TENM2: variants seen among roughly 807,000 people sequenced by gnomAD.
The protein encoded by TENM2 is teneurin-2.
A neutral mutation model predicts 245.2 loss-of-function variants in TENM2; 52 were observed. That is an observed-to-expected ratio of 0.21 (90% CI 0.17 to 0.27). TENM2 has a LOEUF of 0.27. TENM2 is among the 10% of genes least tolerant of loss of function. The pLI is 1.00. For missense variants in TENM2, 3,046 were observed against 3,666.8 expected (o/e 0.83, Z 4.37); for synonymous variants, 1,363 against 1,438.9 (o/e 0.95, Z 1.19).
At chr5:167,826,769 A>G (rs993808172) in intron 2 of TENM2, among the ~76,000 whole-genome samples, 12 of 152,234 alleles carry the variant, frequency 7.9e-5, no homozygotes, top group Non-Finnish European at 1.5e-4. Flanking sequence ...GAGCTTTGGT[A>G]AAGGCGGATA....
intron 3 of TENM2, among the ~76,000 whole-genome samples, chr5:167,895,115 A>G (rs1238957141): frequency 6.6e-6 from 1 of 152,122 alleles, no homozygotes; most frequent in Non-Finnish European, 1.5e-5. Context: ...GGCCTTTAAC[A>G]TGTTTATGTG....
At chr5:168,225,775 AAAAAG>A (rs1214120233) in intron 23 of TENM2, among the ~76,000 whole-genome samples, 4 of 151,916 alleles carry the variant, frequency 2.6e-5, no homozygotes, top group East Asian at 1.9e-4. Flanking sequence ...AAAAAAAAAA[AAAAAG>A]AAAAGAAACA....
At chr5:167,923,072 C>T (rs1220854725) in intron 3 of TENM2, among the ~76,000 whole-genome samples, 1 of 152,164 alleles carries the variant, frequency 6.6e-6, no homozygotes, top group East Asian at 1.9e-4. Flanking sequence ...GTCTGTAATC[C>T]CAGCACTTTG....
At chr5:167,143,377 T>C in the TENM2 span, among the ~76,000 whole-genome samples, 1 of 152,382 alleles carries the variant, frequency 6.6e-6, no homozygotes, top group East Asian at 1.9e-4. Context: ...ATAGGTTTTC[T>C]ATGCTTTTAC....
chr5:167,565,944 TTTG>T (rs570217740), intron 2 of TENM2, among the ~76,000 whole-genome samples: 12 of 152,130 alleles, frequency 7.9e-5, no homozygotes, highest in East Asian at 1.9e-4. Flanking sequence ...GGTTTGTTTG[TTTG>T]TTGTTGTTGT....
intron 2 of TENM2, among the ~76,000 whole-genome samples, chr5:167,732,884 G>A (rs1407730445): frequency 6.6e-6 from 1 of 152,160 alleles, no homozygotes; most frequent in Admixed American, 6.5e-5. Flanking sequence ...GGTATATAAG[G>A]TTACAGGTAA....
chr5:167,009,913 A>G, the TENM2 span, among the ~76,000 whole-genome samples: 2 of 152,204 alleles, frequency 1.3e-5, no homozygotes, highest in African/African-American at 2.4e-5. Context: ...AGATTTCTAC[A>G]CTTCTTAAAT....
chr5:167,621,764 G>A (rs902123244), intron 2 of TENM2, among the ~76,000 whole-genome samples: 13 of 152,158 alleles, frequency 8.5e-5, no homozygotes, highest in African/African-American at 3.1e-4. Flanking sequence ...GTGTCAAAGT[G>A]TGGCCATGGC....
intron 3 of TENM2, among the ~76,000 whole-genome samples, chr5:167,920,337 AAAAG>A (rs1486702230): frequency 6.0e-5 from 9 of 149,572 alleles, no homozygotes; most frequent in African/African-American, 2.2e-4. Context: ...ACTTAAAAAA[AAAAG>A]AAAAAAAAAG....
intron 1 of TENM2, among the ~76,000 whole-genome samples, chr5:167,356,187 CAAAAAAAAAAAAAAAA>C (rs58804392): frequency 6.8e-5 from 5 of 74,030 alleles, no homozygotes; most frequent in African/African-American, 1.3e-4. Flanking sequence ...GACTCCATCT[CAAAAAAAAAAAAAAAA>C]AAAAAAAAAA....
At chr5:167,119,021 T>C in the TENM2 span, among the ~76,000 whole-genome samples, 4 of 152,290 alleles carry the variant, frequency 2.6e-5, no homozygotes, top group South Asian at 2.1e-4. Context: ...ACACGTATGC[T>C]TCCATTCTAA....
intron 2 of TENM2, among the ~76,000 whole-genome samples, chr5:167,567,622 A>G (rs1345379868): frequency 1.3e-5 from 2 of 152,276 alleles, no homozygotes; most frequent in East Asian, 1.9e-4. Context: ...TCCTACCACA[A>G]GAATCTCAAT....
chr5:167,044,215 T>C, the TENM2 span, among the ~76,000 whole-genome samples: 1 of 151,916 alleles, frequency 6.6e-6, no homozygotes, highest in African/African-American at 2.4e-5. Flanking sequence ...AGTAAGATGG[T>C]GTATTAGAGA....
At chr5:167,719,805 T>G (rs1391972822) in intron 2 of TENM2, among the ~76,000 whole-genome samples, 1 of 152,164 alleles carries the variant, frequency 6.6e-6, no homozygotes, top group East Asian at 1.9e-4. Context: ...ATCTAGTGGA[T>G]AGAATCCAGG....
At chr5:167,104,627 C>T in the TENM2 span, among the ~76,000 whole-genome samples, 1 of 152,304 alleles carries the variant, frequency 6.6e-6, no homozygotes, top group South Asian at 2.1e-4. Context: ...CAATAGGATC[C>T]TATCATAATG....
At chr5:167,197,999 G>A in the TENM2 span, among the ~76,000 whole-genome samples, 1 of 151,900 alleles carries the variant, frequency 6.6e-6, no homozygotes, top group Non-Finnish European at 1.5e-5. Context: ...ACAGAGATTT[G>A]TCATAGCCTG....
intron 6 of TENM2, among the ~76,000 whole-genome samples, chr5:168,058,307 T>G (rs1789734397): frequency 6.6e-6 from 1 of 152,166 alleles, no homozygotes; most frequent in African/African-American, 2.4e-5. Flanking sequence ...CAATAAGCAT[T>G]TATAGATCAC....
intron 2 of TENM2, among the ~76,000 whole-genome samples, chr5:167,590,861 T>G (rs1187556369): frequency 6.6e-6 from 1 of 152,218 alleles, no homozygotes; most frequent in African/African-American, 2.4e-5. Context: ...TAAATACCTA[T>G]GTATTTGCAT....
Position 167,446,009 on chromosome 5 carries a change from A to C in TENM2, c.502+70536A>C, listed in dbSNP as rs571149867. Among the ~76,000 whole-genome samples the C allele has an allele frequency of 3.9e-5, 6 of 152,224 alleles. No individual in the cohort carries two copies. The East Asian group carries it at 1.2e-3, about 29-fold the overall frequency. On this transcript the variant is annotated intron_variant, in intron 2 of 28. Transcript: ENST00000518659. ...TTTAATCTCCCCTAGGGTTTGGTGG[A>C]CATTTTCAGCTGCTGATCTAGTGAT...
Sources: allele counts gnomAD v4.1 joint callset (sites outside exome capture counted in the v4.1 genomes callset), GRCh38; gene constraint gnomAD v4.1.1; transcripts MANE v1.5; gene names NCBI Gene and HGNC (gene_info 2026-07-23, HGNC 2026-07-21).